The following DGKI variants were observed in gnomAD, a reference collection of about 807,000 sequenced individuals.
DGKI encodes DAG kinase iota.
In DGKI, 55 loss-of-function variants were observed where a neutral mutation model predicts 147.5. The observed-to-expected ratio is 0.37, with a 90% CI of 0.30 to 0.47. The LOEUF is 0.47. Among genes scored for constraint, DGKI ranks in the 20% least tolerant of loss-of-function variants. The pLI, the probability that DGKI is intolerant of heterozygous loss-of-function variation, is 1.00. For missense variants in DGKI, 1,007 were observed against 1,323.8 expected, an observed-to-expected ratio of 0.76 and a Z score of 3.71; for synonymous variants, 469 against 477.1, an observed-to-expected ratio of 0.98 and a Z score of 0.22.
chr7:137,824,618 T>A (rs1325283575), intron 1 of DGKI, among the ~76,000 whole-genome samples: 1 of 152,150 alleles, frequency 6.6e-6, no homozygotes, highest in East Asian at 1.9e-4. Context: ...ATGTGCAGGT[T>A]TGTTACACAA....
intron 3 of DGKI, among the ~76,000 whole-genome samples, chr7:137,662,548 A>G (rs1424367051): frequency 1.3e-5 from 2 of 151,338 alleles, no homozygotes; most frequent in Non-Finnish European, 2.9e-5. Context: ...CGGCCCCAGC[A>G]CACTTCTTTT....
chr7:137,775,480 A>T (rs1796338049), intron 1 of DGKI, among the ~76,000 whole-genome samples: 1 of 152,126 alleles, frequency 6.6e-6, no homozygotes, highest in Non-Finnish European at 1.5e-5. Context: ...CCTCAAATGA[A>T]TTTTAGAATT....
rs117345415 is a variant in DGKI, at chr7:137,660,609, C to T, written c.607-4069G>A. The stretch of plus-strand genomic sequence containing the variant: ...AGTGGTAGAGAGTATACAATTGTCC[C>T]TAATAAAGAGATTAATATTGAATCC... On this transcript the variant is annotated intron_variant, in intron 3 of 32. Coordinates refer to ENST00000614521, the MANE Select transcript of DGKI (RefSeq NM_001321708.2). 3.7e-3 allele frequency among the ~76,000 whole-genome samples: 558 copies of T among 152,238 alleles called. 17 individuals carry two copies. Among genetic ancestry groups the T allele is most frequent in the Admixed American group, 0.028 (433 of 15,290 alleles).
At position 137,585,341 on chromosome 7, in the gene DGKI, G is replaced by A. The variant is rs1819352169; in HGVS notation, c.1431C>T (p.Tyr477=). The change falls in exon 14 of 33, where the codon TAC becomes TAT. Residue 477 remains tyrosine (Y), a synonymous_variant. Transcript: ENST00000614521. Reference sequence around the variant, plus strand: ...GGATCTTAGAAACAGGTTCATCAGTGTAGCCCTGAGGAATCAGAGAACATA... The same window carrying A: ...GGATCTTAGAAACAGGTTCATCAGTATAGCCCTGAGGAATCAGAGAACATA... ...LARTLNWGGG[Y]TDEPVSKILC... 1.2e-6 allele frequency: 2 copies of A among 1,614,060 alleles called. No individual in the cohort carries two copies. Among genetic ancestry groups the A allele is most frequent in the South Asian group, 1.1e-5 (1 of 91,062 alleles).
intron 1 of DGKI, among the ~76,000 whole-genome samples, chr7:137,766,617 A>G (rs540573394): frequency 1.3e-5 from 2 of 152,318 alleles, no homozygotes; most frequent in African/African-American, 2.4e-5. Flanking sequence ...CAGGGCAAAG[A>G]GAATCTTCCT....
chr7:137,409,886 G>GTC (rs150607069), intron 29 of DGKI, among the ~76,000 whole-genome samples: 3,492 of 149,562 alleles, frequency 0.023, 152 homozygotes, highest in African/African-American at 0.079. Context: ...CGCTCTCTTT[G>GTC]TCTCTCTCTC....
chr7:137,485,389 C>G lies in DGKI; in HGVS notation c.2358G>C (p.Gln786His), dbSNP rs747701514. 1.8e-5 allele frequency: 29 copies of G among 1,609,388 alleles called. No homozygotes were observed. In the African/African-American group the frequency reaches 3.2e-4, roughly 18 times the overall value. Residue 786 changes from glutamine to histidine, a missense_variant, in exon 23 of 33, where the codon CAG (glutamine) becomes CAC (histidine). Coordinates refer to ENST00000614521, the MANE Select transcript of DGKI (RefSeq NM_001321708.2). The stretch of plus-strand genomic sequence containing the variant: ...TATTTGTTACCTGGTAATGAACTCT[C>G]TGGGAGCCAGAAGAAACTGACTGTA... ...EDLQSVSSGS[Q>H]RVHYQDHETS...
chr7:137,451,789 T>TA (rs1813970444), intron 27 of DGKI, among the ~76,000 whole-genome samples: 1 of 152,190 alleles, frequency 6.6e-6, no homozygotes, highest in Non-Finnish European at 1.5e-5. Context: ...CCTAATACAA[T>TA]ATCCTTTTCA....
At chr7:137,648,720 T>C (rs2129009588) in intron 5 of DGKI, among the ~76,000 whole-genome samples, 1 of 152,314 alleles carries the variant, frequency 6.6e-6, no homozygotes, top group South Asian at 2.1e-4. Context: ...TTAATATTTT[T>C]GGACTGTGGT....
chr7:137,520,374 T>G (rs1015276566), intron 21 of DGKI, among the ~76,000 whole-genome samples: 2 of 152,138 alleles, frequency 1.3e-5, no homozygotes, highest in African/African-American at 4.8e-5. Flanking sequence ...TCAATTTAAT[T>G]TGCATTGTAG....
intron 1 of DGKI, among the ~76,000 whole-genome samples, chr7:137,776,394 A>G (rs1482144764): frequency 6.6e-6 from 1 of 152,246 alleles, no homozygotes; most frequent in African/African-American, 2.4e-5. Flanking sequence ...CTGGTAGGCA[A>G]TTATATATAG....
At chr7:137,436,088 C>T (rs1813271276) in intron 28 of DGKI, among the ~76,000 whole-genome samples, 1 of 152,094 alleles carries the variant, frequency 6.6e-6, no homozygotes, top group Non-Finnish European at 1.5e-5. Context: ...ATCTAACTTT[C>T]TTAATCTTCT....
intron 1 of DGKI, among the ~76,000 whole-genome samples, chr7:137,833,627 A>G (rs1563219147): frequency 6.6e-6 from 1 of 152,214 alleles, no homozygotes; most frequent in Non-Finnish European, 1.5e-5. Flanking sequence ...GAGCAGCAGG[A>G]ATTGTCCTAC....
At chr7:137,618,260 C>T (rs1820617942) in intron 8 of DGKI, among the ~76,000 whole-genome samples, 1 of 146,624 alleles carries the variant, frequency 6.8e-6, no homozygotes. Context: ...ACAGTCAGGC[C>T]TGAGCAATTG....
chr7:137,822,204 C>T (rs1197415536), intron 1 of DGKI, among the ~76,000 whole-genome samples: 2 of 152,050 alleles, frequency 1.3e-5, no homozygotes, highest in Non-Finnish European at 2.9e-5. Context: ...GTCAGGAGTT[C>T]GAGACCAGCC....
intron 1 of DGKI, among the ~76,000 whole-genome samples, chr7:137,737,705 G>C (rs1475789678): frequency 6.6e-6 from 1 of 152,044 alleles, no homozygotes; most frequent in Non-Finnish European, 1.5e-5. Context: ...CAGTTTTTAA[G>C]AAGCTAAGAA....
chr7:137,809,238 AAACTGGAGACGGG>A (rs1797483008), intron 1 of DGKI, among the ~76,000 whole-genome samples: 1 of 152,214 alleles, frequency 6.6e-6, no homozygotes, highest in South Asian at 2.1e-4. Context: ...AAATGAAGAA[AAACTGGAGACGGG>A]AACAGGAGGC....
chr7:137,773,521 T>A (rs1416131350), intron 1 of DGKI, among the ~76,000 whole-genome samples: 1 of 152,118 alleles, frequency 6.6e-6, no homozygotes, highest in African/African-American at 2.4e-5. Context: ...CACACAGGAA[T>A]TGAGAGACAA....
chr7:137,491,870 C>A (rs1190502637), intron 21 of DGKI, among the ~76,000 whole-genome samples: 1 of 152,204 alleles, frequency 6.6e-6, no homozygotes, highest in Non-Finnish European at 1.5e-5. Flanking sequence ...GAAGAAGAGG[C>A]CTACGCAGAT....
Sources: gnomAD v4.1 joint callset for allele counts (sites outside exome capture counted in the v4.1 genomes callset) on GRCh38, gnomAD v4.1.1 for gene constraint, MANE v1.5 for transcripts, NCBI Gene and HGNC (gene_info 2026-07-23, HGNC 2026-07-21) for gene names.